NTMT1: variants seen among roughly 807,000 people sequenced by gnomAD.
NTMT1 encodes N-terminal Xaa-Pro-Lys N-methyltransferase 1.
NTMT1 carries 8 observed loss-of-function variants against 17.5 expected under a neutral mutation model. That is an observed-to-expected ratio of 0.46 (90% CI 0.27 to 0.82). NTMT1 has a LOEUF of 0.82. Ranked by LOEUF, NTMT1 falls within the 40% of genes least tolerant of loss-of-function variation. The pLI is 0.15. For synonymous variants in NTMT1, 128 were observed against 126.8 expected, an observed-to-expected ratio of 1.01 and a Z score of -0.06; for missense variants, 221 against 303.5, an observed-to-expected ratio of 0.73 and a Z score of 2.02.
intron 1 of NTMT1, among the ~76,000 whole-genome samples, chr9:129,627,274 A>C (rs1420572345): frequency 6.6e-6 from 1 of 151,994 alleles, no homozygotes; most frequent in Non-Finnish European, 1.5e-5. Context: ...GAGGAAGCTC[A>C]CTCCCCACTC....
chr9:129,620,468 G>T lies in NTMT1; in HGVS notation c.-55+11290G>T. The T allele has an allele frequency of 7.4e-7, 1 of 1,353,038 alleles. No individual in the cohort carries two copies. Among genetic ancestry groups the T allele is most frequent in the Non-Finnish European group, 9.5e-7 (1 of 1,049,006 alleles). 83.8% of individuals were successfully genotyped at this position (1,353,038 alleles called of 1,614,324 possible). Reference sequence around the variant, plus strand: ...CAGAGCCGCTCGGAGCGCGGGCGGGGTCAGCTTGGGCAGCCGCGGGTCGCT... The same window carrying T: ...CAGAGCCGCTCGGAGCGCGGGCGGGTTCAGCTTGGGCAGCCGCGGGTCGCT... On this transcript the variant is annotated intron_variant, in intron 1 of 3. Transcript: ENST00000372486. The surrounding 1 kb of genome is among the most constrained non-coding windows in gnomAD (Gnocchi z 5.8).
intron 1 of NTMT1, chr9:129,619,624 C>T (rs745405190): frequency 1.4e-5 from 22 of 1,613,826 alleles, no homozygotes; most frequent in African/African-American, 4.0e-5. Flanking sequence ...CCTGGAGGTG[C>T]GATGACTGGC....
chr9:129,612,051 G>A (rs1830125386), intron 1 of NTMT1, among the ~76,000 whole-genome samples: 1 of 152,028 alleles, frequency 6.6e-6, no homozygotes, highest in Admixed American at 6.5e-5. Context: ...TGCCCAGCAT[G>A]TTCCCAGGTT....
intron 1 of NTMT1, among the ~76,000 whole-genome samples, chr9:129,631,854 C>T (rs1293355902): frequency 6.6e-6 from 1 of 152,208 alleles, no homozygotes; most frequent in African/African-American, 2.4e-5. Flanking sequence ...CTGGCACTGG[C>T]GCTTCTCCTC....
chr9:129,634,918 G>C (rs1831436425), intron 3 of NTMT1: 1 of 414,232 alleles, frequency 2.4e-6, no homozygotes, highest in Admixed American at 4.0e-5. Flanking sequence ...TCCAAGCCTG[G>C]CAGGGGTGGG....
intron 2 of NTMT1, chr9:129,633,372 C>T (rs1564348914): frequency 8.8e-6 from 2 of 228,454 alleles, no homozygotes. Context: ...GCCTCCCCTC[C>T]CTCCATGTTC....
In NTMT1 at chr9:129,613,239, C is replaced by A; in HGVS notation, c.-55+4061C>A. ...TGTCCTCAGAAAGGTAGCCCTGTGT[C>A]TTCTGGGTGGACCTGGGGGAGACAG... On this transcript the variant is annotated intron_variant, in intron 1 of 3. Transcript: ENST00000372486. The surrounding 1 kb of genome is among the most constrained non-coding windows in gnomAD (Gnocchi z 6.2). 1 of 1,608,376 alleles carries A rather than the reference C, an allele frequency of 6.2e-7. No individual in the cohort carries two copies.
chr9:129,634,565 A>G (rs1487886488), intron 3 of NTMT1: 5 of 432,360 alleles, frequency 1.2e-5, no homozygotes, highest in East Asian at 7.6e-5. Context: ...TTTTGTTGAA[A>G]AAATTTTAAT....
intron 1 of NTMT1, among the ~76,000 whole-genome samples, chr9:129,616,074 T>G (rs1588115481): frequency 1.3e-5 from 2 of 152,278 alleles, no homozygotes; most frequent in South Asian, 4.1e-4. Context: ...CTGACCCTTT[T>G]GAGCCTCAGT....
intron 1 of NTMT1, chr9:129,612,981 T>C (rs1191841650): frequency 1.6e-6 from 2 of 1,222,286 alleles, no homozygotes; most frequent in Non-Finnish European, 2.3e-6. Context: ...GCCCCCACGG[T>C]GACTTGGCTC....
At chr9:129,631,351 G>A (rs913817026) in intron 1 of NTMT1, among the ~76,000 whole-genome samples, 3 of 152,232 alleles carry the variant, frequency 2.0e-5, no homozygotes, top group African/African-American at 4.8e-5. Context: ...GCCCCTAAGC[G>A]TGGTGTGCCT....
In NTMT1 at chr9:129,620,086, G is replaced by C. The variant is rs1830604876; in HGVS notation, c.-55+10908G>C. 3.4e-6 allele frequency: 5 copies of C among 1,449,648 alleles called. No individual in the cohort carries two copies. The highest frequency in any genetic ancestry group is 1.5e-5 in the South Asian group (1 of 67,974). The allele number at this position is 1,449,648 out of a possible 1,614,324, so 89.8% of individuals were successfully genotyped here. ...CCTCACTCAGTGGCTCCGGCTCCTC[G>C]GCGCACTTCTCCTGGAGCTGGTGCA... On this transcript the variant is annotated intron_variant, in intron 1 of 3. Transcript: ENST00000372486. This position sits in a 1 kb window ranked among gnomAD's most constrained non-coding sequence, Gnocchi z 5.8.
chr9:129,632,832 C>T lies in NTMT1; in HGVS notation c.129C>T (p.Asn43=), dbSNP rs1831239649. Residue 43 remains asparagine, a synonymous_variant, in exon 2 of 4, where the codon AAC becomes AAT. Coordinates refer to ENST00000372483, the MANE Select transcript of NTMT1 (RefSeq NM_014064.4). ...GCCACATCTCCAGCATCGACATCAA[C>T]AGCTCCCGGAAGTTTCTGCAGAGGT... is the stretch of plus-strand genomic sequence containing the variant. The part of the protein sequence containing the change: ...GYGHISSIDI[N]SSRKFLQRFL... 2 of 1,614,218 alleles carry T rather than the reference C, an allele frequency of 1.2e-6. No individual in the cohort carries two copies. The highest frequency in any genetic ancestry group is 2.2e-5 in the East Asian group (1 of 44,890).
At chr9:129,631,055 A>G (rs1409126777) in intron 1 of NTMT1, among the ~76,000 whole-genome samples, 4 of 150,978 alleles carry the variant, frequency 2.6e-5, no homozygotes, top group African/African-American at 7.3e-5. Flanking sequence ...CCCCCGCTCC[A>G]CTCTCCGCCC....
At position 129,620,088 on chromosome 9, in the gene NTMT1, C is replaced by A; in HGVS notation, c.-55+10910C>A. Reference sequence around the variant, plus strand: ...TCACTCAGTGGCTCCGGCTCCTCGGCGCACTTCTCCTGGAGCTGGTGCAGG... The same window carrying A: ...TCACTCAGTGGCTCCGGCTCCTCGGAGCACTTCTCCTGGAGCTGGTGCAGG... On this transcript the variant is annotated intron_variant, in intron 1 of 3. Coordinates refer to the NTMT1 transcript ENST00000372486. This position sits in a 1 kb window ranked among gnomAD's most constrained non-coding sequence, Gnocchi z 5.8. 6.9e-7 allele frequency: 1 copy of A among 1,451,708 alleles called. No individual in the cohort carries two copies. The highest frequency in any genetic ancestry group is 9.1e-7 in the Non-Finnish European group (1 of 1,099,724). 89.9% of individuals were successfully genotyped at this position (1,451,708 alleles called of 1,614,324 possible). A position where few individuals can be genotyped will look rare whatever the true frequency, so the allele number is the denominator to read the frequency against.
At chr9:129,619,023 G>C (rs1430988459) in intron 1 of NTMT1, among the ~76,000 whole-genome samples, 1 of 152,080 alleles carries the variant, frequency 6.6e-6, no homozygotes, top group East Asian at 1.9e-4. Context: ...CGAAGTGTGG[G>C]AGTTTTAGAT....
intron 1 of NTMT1, among the ~76,000 whole-genome samples, 184 bp from the exon 2 acceptor site, chr9:129,632,466 C>G (rs946166508): frequency 1.3e-5 from 2 of 152,168 alleles, no homozygotes; most frequent in Non-Finnish European, 2.9e-5. Context: ...GGCGGGTGCT[C>G]TGAGTGCAAA....
At chr9:129,633,204 T>G in intron 2 of NTMT1, 1 of 416,448 alleles carries the variant, frequency 2.4e-6, no homozygotes, top group Non-Finnish European at 4.2e-6. Flanking sequence ...TGTTGGCTAT[T>G]CTGGACGAAG....
At chr9:129,634,331 G>C (rs767280452) in intron 3 of NTMT1, 25 bp downstream of exon 3, 2 of 1,570,040 alleles carry the variant, frequency 1.3e-6, no homozygotes, top group Non-Finnish European at 1.7e-6. Flanking sequence ...GCCCTTCCCT[G>C]CTCACCTGTA....
Sources: allele counts gnomAD v4.1 joint callset (sites outside exome capture counted in the v4.1 genomes callset), GRCh38; gene constraint gnomAD v4.1.1; non-coding constraint Gnocchi (gnomAD v3.1); transcripts MANE v1.5; gene names NCBI Gene and HGNC (gene_info 2026-07-23, HGNC 2026-07-21).